The following TMOD3 variants were observed in gnomAD, a reference collection of about 807,000 sequenced individuals.
TMOD3 encodes tropomodulin-3.
TMOD3 carries 20 observed loss-of-function variants against 39.2 expected under a neutral mutation model. That is an observed-to-expected ratio of 0.51 (90% CI 0.36 to 0.74). The LOEUF (loss-of-function observed/expected upper bound fraction) is 0.74. TMOD3 is among the 30% of genes least tolerant of loss of function. The probability of loss-of-function intolerance (pLI) is 0.00; values close to 1 mark genes in which losing one functional copy is unlikely to be tolerated. For missense variants in TMOD3, 381 were observed against 412.8 expected, an observed-to-expected ratio of 0.92 and a Z score of 0.67; for synonymous variants, 143 against 145.8, an observed-to-expected ratio of 0.98 and a Z score of 0.14.
In TMOD3 at chr15:51,909,772, A is replaced by G. The variant is rs1000087447; in HGVS notation, c.*962A>G. 7.9e-5 allele frequency: 12 copies of G among 152,236 alleles called. No individual in the cohort carries two copies. The highest frequency in any genetic ancestry group is 3.2e-3 in the Middle Eastern group (1 of 316). The allele number at this position is 152,236 out of a possible 1,614,324, so 9.4% of individuals were successfully genotyped here. A position where few individuals can be genotyped will look rare whatever the true frequency, so the allele number is the denominator to read the frequency against. The stretch of plus-strand genomic sequence containing the variant: ...GTAAGTCAGTTGGAAGCTGGCATGT[A>G]TGTAAATTACTTGGTGTTACACCAT... On this transcript the variant is annotated 3_prime_UTR_variant, in exon 10 of 10. Transcript: ENST00000308580.
Position 51,860,758 on chromosome 15 carries a change from A to T in TMOD3, c.-74-2053A>T, listed in dbSNP as rs1043452319. On this transcript the variant is annotated intron_variant, in intron 1 of 9. Transcript: ENST00000308580. ...GGAGACCAGCCTGACCAACAAGGTGAAACCCCGTCTCTACTAAAAATACAA... is the reference window on the plus strand; with the variant it reads ...GGAGACCAGCCTGACCAACAAGGTGTAACCCCGTCTCTACTAAAAATACAA... 5.4e-5 allele frequency: 20 copies of T among 371,262 alleles called. No individual in the cohort carries two copies. The East Asian group carries it at 1.4e-3, about 26-fold the overall frequency. The allele number at this position is 371,262 out of a possible 1,614,324, so 23.0% of individuals were successfully genotyped here. A position where few individuals can be genotyped will look rare whatever the true frequency, so the allele number is the denominator to read the frequency against.
intron 3 of TMOD3, among the ~76,000 whole-genome samples, chr15:51,870,331 G>A (rs2141690110): frequency 6.6e-6 from 1 of 152,274 alleles, no homozygotes; most frequent in Non-Finnish European, 1.5e-5. Context: ...ATACAGGTTG[G>A]CCTAAAAAGC....
In TMOD3 at chr15:51,889,131, A is replaced by C; in HGVS notation, c.482A>C (p.Gln161Pro). 1.2e-6 allele frequency: 2 copies of C among 1,601,542 alleles called. No homozygotes were observed. The highest frequency in any genetic ancestry group is 1.7e-6 in the Non-Finnish European group (2 of 1,172,964). Residue 161 changes from glutamine to proline, a missense_variant, in exon 5 of 10, where the codon CAA (glutamine) becomes CCA (proline). By Grantham distance (76) the Gln-to-Pro change is moderately conservative. Transcript: ENST00000308580. ...ATGGGAAGTAGTAATGGTGTTGACC[A>C]AGAACATTTTTCAAGTGAGTACTTA... is the stretch of plus-strand genomic sequence containing the variant. ...NIMGSSNGVD[Q>P]EHFSNVVKGE...
At chr15:51,834,181 C>T (rs2623253) in intron 1 of TMOD3, among the ~76,000 whole-genome samples, 1 of 151,922 alleles carries the variant, frequency 6.6e-6, no homozygotes, top group Non-Finnish European at 1.5e-5. Flanking sequence ...GGTACAAGTT[C>T]TTTGTCACAT....
In TMOD3 at chr15:51,906,786, T is replaced by C. The variant is rs551475910; in HGVS notation, c.1025-1990T>C. ...CTGTAATCCCAGCACTTTGGGAGGC[T>C]GAGGCAGGCGGATCACCTGAGGTCA... On this transcript the variant is annotated intron_variant, in intron 9 of 9. Transcript: ENST00000308580. 1.3e-4 allele frequency among the ~76,000 whole-genome samples: 20 copies of C among 152,246 alleles called. No individual in the cohort carries two copies. In the South Asian group the frequency reaches 3.9e-3, roughly 30 times the overall value.
At chr15:51,902,285 C>T (rs1019845306) in intron 9 of TMOD3, among the ~76,000 whole-genome samples, 4 of 152,202 alleles carry the variant, frequency 2.6e-5, no homozygotes, top group African/African-American at 9.7e-5. Context: ...CAGTTTTCTA[C>T]AACAAACAAT....
intron 5 of TMOD3, chr15:51,892,353 T>C (rs1338294439): frequency 2.0e-5 from 3 of 152,226 alleles, no homozygotes; most frequent in African/African-American, 7.2e-5. Flanking sequence ...CATAAAAGTT[T>C]ACCTATTATA....
chr15:51,872,600 G>GTT (rs58973705), intron 3 of TMOD3, among the ~76,000 whole-genome samples: 4,167 of 129,810 alleles, frequency 0.032, 144 homozygotes, highest in Non-Finnish European at 0.052. Flanking sequence ...GACCAAATTT[G>GTT]TTTTTTTTTT....
chr15:51,854,608 G>A (rs1002719164), intron 1 of TMOD3, among the ~76,000 whole-genome samples: 3 of 152,144 alleles, frequency 2.0e-5, no homozygotes, highest in African/African-American at 7.2e-5. Flanking sequence ...GAAAATAAGT[G>A]GAAATTGGTT....
At chr15:51,906,642 C>T (rs185566262) in intron 9 of TMOD3, among the ~76,000 whole-genome samples, 1 of 152,286 alleles carries the variant, frequency 6.6e-6, no homozygotes, top group East Asian at 1.9e-4. Flanking sequence ...TTTTCTATAA[C>T]ATGCATTATA....
chr15:51,837,717 C>G (rs2056293613), intron 1 of TMOD3, among the ~76,000 whole-genome samples: 1 of 152,154 alleles, frequency 6.6e-6, no homozygotes, highest in African/African-American at 2.4e-5. Context: ...CTTGCCTTTC[C>G]TCTGCCACTT....
chr15:51,904,331 G>T (rs1408019582), intron 9 of TMOD3, among the ~76,000 whole-genome samples: 1 of 152,162 alleles, frequency 6.6e-6, no homozygotes, highest in Non-Finnish European at 1.5e-5. Context: ...TATGTTGTTG[G>T]CAGGGGCCAT....
intron 1 of TMOD3, among the ~76,000 whole-genome samples, chr15:51,836,928 C>G (rs2056287659): frequency 6.6e-6 from 1 of 151,940 alleles, no homozygotes; most frequent in Admixed American, 6.6e-5. Flanking sequence ...GATGATAACC[C>G]CCTACAAATA....
chr15:51,869,857 C>A (rs933612069), intron 3 of TMOD3, among the ~76,000 whole-genome samples: 1 of 152,000 alleles, frequency 6.6e-6, no homozygotes, highest in Non-Finnish European at 1.5e-5. Context: ...GGAAATTTTT[C>A]TAGTCCAAGT....
intron 1 of TMOD3, among the ~76,000 whole-genome samples, chr15:51,856,395 C>G (rs2056387910): frequency 6.6e-6 from 1 of 152,098 alleles, no homozygotes; most frequent in Non-Finnish European, 1.5e-5. Flanking sequence ...AAGTTCTTGC[C>G]TCATGGCAAA....
intron 9 of TMOD3, among the ~76,000 whole-genome samples, chr15:51,906,895 C>G (rs1361588351): frequency 1.3e-5 from 2 of 151,892 alleles, no homozygotes; most frequent in South Asian, 4.2e-4. Flanking sequence ...TGTTGCATGC[C>G]TGTAATCCCA....
chr15:51,863,628 C>G (rs2056430199), intron 2 of TMOD3, among the ~76,000 whole-genome samples: 1 of 152,148 alleles, frequency 6.6e-6, no homozygotes, highest in Admixed American at 6.5e-5. Flanking sequence ...AATTGTTATT[C>G]CCTGATATGT....
In TMOD3 at chr15:51,887,576, C is replaced by A. The variant is rs754376601; in HGVS notation, c.284-13C>A. On this transcript the variant is annotated splice_polypyrimidine_tract_variant and intron_variant, in intron 3 of 9. Transcript: ENST00000308580. ...CAGTAGTAATGGAATTAACAAAATG[C>A]TTTATTTTACAGGGAAAATATTTAT... 4.4e-6 allele frequency: 7 copies of A among 1,607,900 alleles called. No individual in the cohort carries two copies. The highest frequency in any genetic ancestry group is 5.1e-6 in the Non-Finnish European group (6 of 1,178,376).
chr15:51,883,542 A>G (rs1221206665), intron 3 of TMOD3, among the ~76,000 whole-genome samples: 1 of 152,208 alleles, frequency 6.6e-6, no homozygotes, highest in Non-Finnish European at 1.5e-5. Flanking sequence ...GCTAAATTAA[A>G]TTTGACATAC....
Sources: gnomAD v4.1 joint callset for allele counts (sites outside exome capture counted in the v4.1 genomes callset) on GRCh38, gnomAD v4.1.1 for gene constraint, MANE v1.5 for transcripts, NCBI Gene and HGNC (gene_info 2026-07-23, HGNC 2026-07-21) for gene names.